The following NEGR1 variants were observed in gnomAD, a reference collection of about 807,000 sequenced individuals.
The protein encoded by NEGR1 is neuronal growth regulator 1, also known as IgLON family member 4.
NEGR1 carries 10 observed loss-of-function variants against 40.9 expected under a neutral mutation model. That is an observed-to-expected ratio of 0.24 (90% confidence interval 0.15 to 0.42). The LOEUF (loss-of-function observed/expected upper bound fraction) is 0.42. Ranked by LOEUF, NEGR1 falls within the 10% of genes least tolerant of loss-of-function variation. The pLI, the probability that NEGR1 is intolerant of heterozygous loss-of-function variation, is 1.00. For synonymous variants in NEGR1, 185 were observed against 166.8 expected (o/e 1.11, Z -0.84); for missense variants, 352 against 438.9 (o/e 0.80, Z 1.77).
chr1:71,935,338 A>G, intron 1 of NEGR1, 27 bp from the exon 2 acceptor site: 1 of 1,419,960 alleles, frequency 7.0e-7, no homozygotes, highest in Non-Finnish European at 9.9e-7. Flanking sequence ...ATACAACACT[A>G]TTAATCAAAA....
intron 1 of NEGR1, among the ~76,000 whole-genome samples, chr1:72,201,447 T>C (rs1031985591): frequency 6.6e-6 from 1 of 151,944 alleles, no homozygotes; most frequent in East Asian, 1.9e-4. Flanking sequence ...TATCACATAT[T>C]AGTGTATAAT....
intron 1 of NEGR1, among the ~76,000 whole-genome samples, chr1:72,258,759 T>G (rs1655359347): frequency 6.6e-6 from 1 of 152,150 alleles, no homozygotes; most frequent in Non-Finnish European, 1.5e-5. Flanking sequence ...ATTTATAAAT[T>G]TTCTATAAAT....
chr1:71,654,339 T>G (rs1406177542), intron 4 of NEGR1, among the ~76,000 whole-genome samples: 2 of 152,170 alleles, frequency 1.3e-5, no homozygotes, highest in African/African-American at 2.4e-5. Flanking sequence ...AATACTTGAT[T>G]AATATTAATG....
intron 2 of NEGR1, among the ~76,000 whole-genome samples, chr1:71,881,706 G>A (rs1239747714): frequency 6.6e-6 from 1 of 152,084 alleles, no homozygotes; most frequent in Non-Finnish European, 1.5e-5. Context: ...TCCTGAATAT[G>A]AGTATCACAT....
intron 3 of NEGR1, among the ~76,000 whole-genome samples, chr1:71,743,925 TA>T (rs767394369): frequency 1.1e-4 from 17 of 152,192 alleles, no homozygotes; most frequent in Non-Finnish European, 2.4e-4. Flanking sequence ...GCTTATAAAA[TA>T]ACTCAATGTT....
intron 4 of NEGR1, among the ~76,000 whole-genome samples, chr1:71,696,136 C>T (rs1270673555): frequency 6.6e-6 from 1 of 151,678 alleles, no homozygotes; most frequent in South Asian, 2.1e-4. Flanking sequence ...CTTTTTTACC[C>T]AGTTTCTGTT....
intron 6 of NEGR1, among the ~76,000 whole-genome samples, chr1:71,505,933 A>G (rs2101408558): frequency 6.6e-6 from 1 of 152,272 alleles, no homozygotes; most frequent in South Asian, 2.1e-4. Context: ...TCCTAGGAGA[A>G]AGGGGATTGC....
chr1:72,241,290 G>A (rs1473108928), intron 1 of NEGR1, among the ~76,000 whole-genome samples: 2 of 151,754 alleles, frequency 1.3e-5, no homozygotes, highest in African/African-American at 2.4e-5. Flanking sequence ...CAGAGATTAA[G>A]TGAATTCATT....
chr1:71,477,450 G>A (rs1163644098), intron 6 of NEGR1: 3 of 152,126 alleles, frequency 2.0e-5, no homozygotes, highest in African/African-American at 7.2e-5. Context: ...CTAGGGTGCT[G>A]AAGGCAAGTT....
At chr1:71,446,440 A>AGGT (rs1471726600) in intron 6 of NEGR1, among the ~76,000 whole-genome samples, 4 of 152,210 alleles carry the variant, frequency 2.6e-5, no homozygotes, top group Non-Finnish European at 4.4e-5. Flanking sequence ...TATTTTGAGT[A>AGGT]GGTAAGATGA....
intron 1 of NEGR1, among the ~76,000 whole-genome samples, chr1:71,951,700 A>T (rs950298192): frequency 6.6e-6 from 1 of 151,908 alleles, no homozygotes; most frequent in Non-Finnish European, 1.5e-5. Context: ...GGCATACCTC[A>T]TTTTATTGCA....
rs187449778 is a variant in NEGR1, at chr1:71,565,851, T to G, written c.940+26966A>C. Among the ~76,000 whole-genome samples, 5 of 152,234 alleles carry G rather than the reference T, an allele frequency of 3.3e-5. 1 individual carries two copies. The East Asian group carries it at 9.7e-4, about 29-fold the overall frequency. ...TACAATTCTATAAGTTTTTCTAAAT[T>G]TCTTTTTTTATTTTGAATAATTTGC... On this transcript the variant is annotated intron_variant, in intron 6 of 6. Transcript: ENST00000357731.
chr1:71,425,681 A>G (rs11209782), intron 6 of NEGR1, among the ~76,000 whole-genome samples: 49,846 of 152,034 alleles, frequency 0.33, 9,532 homozygotes, highest in East Asian at 0.58. Context: ...CTGAGTCGGA[A>G]CACTTCTCAA....
chr1:72,026,762 C>T (rs3102910), intron 1 of NEGR1, among the ~76,000 whole-genome samples: 34,003 of 151,858 alleles, frequency 0.22, 4,981 homozygotes, highest in African/African-American at 0.41. Flanking sequence ...CCCTGAAACC[C>T]TCTTTTCCTT....
chr1:72,010,180 T>C (rs1646643705), intron 1 of NEGR1, among the ~76,000 whole-genome samples: 1 of 151,912 alleles, frequency 6.6e-6, no homozygotes, highest in African/African-American at 2.4e-5. Flanking sequence ...CTGTTTTTAA[T>C]GGGGCGGGGC....
At chr1:72,217,352 T>G (rs1050142720) in intron 1 of NEGR1, among the ~76,000 whole-genome samples, 1 of 151,918 alleles carries the variant, frequency 6.6e-6, no homozygotes, top group Non-Finnish European at 1.5e-5. Context: ...ATAGTTGTAG[T>G]CTTTTCAGAG....
chr1:71,767,768 C>G (rs965840307), intron 3 of NEGR1, among the ~76,000 whole-genome samples: 5 of 152,202 alleles, frequency 3.3e-5, no homozygotes, highest in African/African-American at 1.2e-4. Context: ...TGGAGGCCTA[C>G]CAAGGAAGAA....
rs573025765 is a variant in NEGR1, at chr1:71,879,944, T to C, written c.409+55135A>G. Among the ~76,000 whole-genome samples the C allele has an allele frequency of 3.9e-5, 6 of 152,260 alleles. No individual in the cohort carries two copies. The South Asian group carries it at 1.2e-3, about 32-fold the overall frequency. ...TTATTTCCAACTCTTACTTCAGAAA[T>C]TGAAGCTTTCATATGAGTTCTATAG... On this transcript the variant is annotated intron_variant, in intron 2 of 6. Coordinates refer to ENST00000357731, the MANE Select transcript of NEGR1 (RefSeq NM_173808.3).
intron 4 of NEGR1, among the ~76,000 whole-genome samples, chr1:71,675,465 GTATATCTA>G (rs1278054941): frequency 6.6e-6 from 1 of 151,284 alleles, no homozygotes; most frequent in Non-Finnish European, 1.5e-5. Context: ...AGATATATGT[GTATATCTA>G]TATATCTATA....
Sources: allele counts gnomAD v4.1 joint callset (sites outside exome capture counted in the v4.1 genomes callset), GRCh38; gene constraint gnomAD v4.1.1; transcripts MANE v1.5; gene names NCBI Gene and HGNC (gene_info 2026-07-23, HGNC 2026-07-21).